The following PLD5 variants were observed in gnomAD, a reference collection of about 807,000 sequenced individuals.
PLD5 encodes the protein phospholipase D family member 5, also known as inactive phospholipase D5.
In PLD5, 36 loss-of-function variants were observed where a neutral mutation model predicts 61.1. That is an observed-to-expected ratio of 0.59 (90% confidence interval 0.45 to 0.78). The LOEUF (loss-of-function observed/expected upper bound fraction) is 0.78, where lower values mean the gene tolerates loss of function less well. Ranked by LOEUF, PLD5 falls within the 30% of genes least tolerant of loss-of-function variation. The pLI is 0.00. For synonymous variants in PLD5, 243 were observed against 242.8 expected (o/e 1.00, Z -0.01); for missense variants, 515 against 644.4 (o/e 0.80, Z 2.17).
At chr1:242,336,081 A>G (rs1332320839) in intron 2 of PLD5, among the ~76,000 whole-genome samples, 1 of 152,238 alleles carries the variant, frequency 6.6e-6, no homozygotes, top group Non-Finnish European at 1.5e-5. Flanking sequence ...AAAACATGTG[A>G]AAAGATTTTC....
Position 242,472,241 on chromosome 1 carries a change from C to A in PLD5, c.189+51847G>T, listed in dbSNP as rs541929609. On this transcript the variant is annotated intron_variant, in intron 1 of 9. Coordinates refer to ENST00000536534, the MANE Select transcript of PLD5 (RefSeq NM_001372062.1). ...CAGTGGAATCATTGATTTTGAGAAA[C>A]TGAAGATGCATGGGCTTGATAACCT... Among the ~76,000 whole-genome samples, 18 of 152,342 alleles carry A rather than the reference C, an allele frequency of 1.2e-4. No homozygotes were observed. In the Middle Eastern group the frequency reaches 0.01, roughly 86 times the overall value.
chr1:242,334,057 T>C (rs1659356291), intron 2 of PLD5, among the ~76,000 whole-genome samples: 1 of 152,170 alleles, frequency 6.6e-6, no homozygotes, highest in Admixed American at 6.5e-5. Flanking sequence ...ACTATATGTT[T>C]TTAGTTTCCT....
Position 242,248,899 on chromosome 1 carries a change from G to T in PLD5, c.607+16438C>A, listed in dbSNP as rs573921430. On this transcript the variant is annotated intron_variant, in intron 4 of 9. Coordinates refer to ENST00000536534, the MANE Select transcript of PLD5 (RefSeq NM_001372062.1). ...TTGGTGGGTCATGACTGTAATCCCA[G>T]TACTTTAGGAGGCCAAGGCGGGCGG... Among the ~76,000 whole-genome samples the T allele has an allele frequency of 3.9e-5, 6 of 152,254 alleles. No homozygotes were observed. The South Asian group carries it at 1.2e-3, about 32-fold the overall frequency.
chr1:242,347,959 A>G, intron 2 of PLD5, 147 bp downstream of exon 2: 2 of 810,260 alleles, frequency 2.5e-6, no homozygotes, highest in Non-Finnish European at 3.9e-6. Flanking sequence ...AAGTAAGAGT[A>G]CTAGTGGACA....
intron 3 of PLD5, among the ~76,000 whole-genome samples, chr1:242,274,452 T>C (rs991553952): frequency 6.6e-6 from 1 of 152,168 alleles, no homozygotes; most frequent in African/African-American, 2.4e-5. Flanking sequence ...GAACAGTCAA[T>C]GACTAAGAAA....
chr1:242,242,404 G>A (rs1672115349), intron 4 of PLD5, among the ~76,000 whole-genome samples: 1 of 152,144 alleles, frequency 6.6e-6, no homozygotes. Context: ...TGGCTTCACT[G>A]TACACATAGT....
At chr1:242,265,581 A>G in intron 3 of PLD5, 133 bp from the exon 4 acceptor site, 2 of 755,144 alleles carry the variant, frequency 2.6e-6, no homozygotes, top group Non-Finnish European at 4.2e-6. Context: ...AACAACTGGT[A>G]TTCAGATTTA....
chr1:242,348,880 C>T (rs1238973885), intron 1 of PLD5, among the ~76,000 whole-genome samples: 1 of 152,148 alleles, frequency 6.6e-6, no homozygotes, highest in Non-Finnish European at 1.5e-5. Flanking sequence ...CGGTGAAACC[C>T]TGTCTCTACT....
intron 1 of PLD5, among the ~76,000 whole-genome samples, chr1:242,419,388 T>TTG (rs755748332): frequency 0.19 from 22,540 of 117,262 alleles, 2,339 homozygotes; most frequent in African/African-American, 0.36. Flanking sequence ...TGATTTTTGT[T>TTG]TTTTTTTTTT....
At chr1:242,507,068 G>T (rs916501975) in intron 1 of PLD5, among the ~76,000 whole-genome samples, 6 of 152,128 alleles carry the variant, frequency 3.9e-5, no homozygotes, top group Non-Finnish European at 8.8e-5. Context: ...TTATATAAGG[G>T]TCTATCTCTG....
In PLD5 at chr1:242,497,131, A is replaced by T. The variant is rs903217062; in HGVS notation, c.189+26957T>A. On this transcript the variant is annotated intron_variant, in intron 1 of 9. Transcript: ENST00000536534. ...GGAGATACGAAGTTCTATCTTCATAAGCCACTGCTTTGGGAGCTCTGTTAC... is the reference window on the plus strand; with the variant it reads ...GGAGATACGAAGTTCTATCTTCATATGCCACTGCTTTGGGAGCTCTGTTAC... Among the ~76,000 whole-genome samples, 7 of 152,306 alleles carry T rather than the reference A, an allele frequency of 4.6e-5. No individual in the cohort carries two copies. The South Asian group carries it at 1.2e-3, about 27-fold the overall frequency.
intron 1 of PLD5, among the ~76,000 whole-genome samples, chr1:242,353,419 T>C (rs575772091): frequency 6.6e-6 from 1 of 152,342 alleles, no homozygotes; most frequent in Non-Finnish European, 1.5e-5. Context: ...TAATTACTAC[T>C]GTTTTGTAGT....
chr1:242,475,878 T>G (rs1667582038), intron 1 of PLD5, among the ~76,000 whole-genome samples: 1 of 152,128 alleles, frequency 6.6e-6, no homozygotes, highest in Non-Finnish European at 1.5e-5. Context: ...GGTGGCCACC[T>G]GCCAGCCATG....
chr1:242,331,771 A>G (rs1328100748), intron 2 of PLD5, among the ~76,000 whole-genome samples: 1 of 152,206 alleles, frequency 6.6e-6, no homozygotes, highest in South Asian at 2.1e-4. Flanking sequence ...TCATTCATCT[A>G]GAAATATTTT....
At chr1:242,283,385 G>T (rs1011028824) in intron 3 of PLD5, among the ~76,000 whole-genome samples, 2 of 152,140 alleles carry the variant, frequency 1.3e-5, no homozygotes, top group Non-Finnish European at 2.9e-5. Flanking sequence ...TGGTTTCTTG[G>T]TATATTTTCT....
intron 1 of PLD5, among the ~76,000 whole-genome samples, chr1:242,470,365 AG>A (rs1667412314): frequency 1.3e-5 from 1 of 75,218 alleles, no homozygotes; most frequent in Non-Finnish European, 2.7e-5. Context: ...AAAGAAAGAA[AG>A]AAAGAAAGAA....
At chr1:242,454,331 CAAA>C (rs34186124) in intron 1 of PLD5, among the ~76,000 whole-genome samples, 2 of 128,138 alleles carry the variant, frequency 1.6e-5, no homozygotes, top group African/African-American at 5.7e-5. Context: ...GACTCCGTGT[CAAA>C]AAAAAAAAAA....
Position 242,207,844 on chromosome 1 carries a change from ATATATATT to A in PLD5, c.735+12136_735+12143del, listed in dbSNP as rs1403267860. 5.6e-3 allele frequency among the ~76,000 whole-genome samples: 124 copies of A among 22,000 alleles called. 26 individuals carry two copies. The highest frequency in any genetic ancestry group is 8.1e-3 in the Non-Finnish European group (101 of 12,464). 14.4% of individuals were successfully genotyped at this position (22,000 alleles called of 152,430 possible). A position where few individuals can be genotyped will look rare whatever the true frequency, so the allele number is the denominator to read the frequency against. ...TATATTTATATATATTTATATATTT[ATATATATT>A]TATATATTTATATATTTATATATAT... On this transcript the variant is annotated intron_variant, in intron 5 of 9. Transcript: ENST00000536534.
chr1:242,125,854 T>C (rs1172487334), intron 5 of PLD5, among the ~76,000 whole-genome samples: 1 of 152,186 alleles, frequency 6.6e-6, no homozygotes, highest in East Asian at 1.9e-4. Flanking sequence ...TCCATGTTCC[T>C]CTGTACAGAT....
Sources: allele counts gnomAD v4.1 joint callset (sites outside exome capture counted in the v4.1 genomes callset), GRCh38; gene constraint gnomAD v4.1.1; transcripts MANE v1.5; gene names NCBI Gene and HGNC (gene_info 2026-07-23, HGNC 2026-07-21).